The following KIF15 variants were observed in gnomAD, a reference collection of about 807,000 sequenced individuals.
KIF15 encodes kinesin-like protein KIF15.
In KIF15, 140 loss-of-function variants were observed where a neutral mutation model predicts 190.6. That is an observed-to-expected ratio of 0.73 (90% CI 0.64 to 0.84). The LOEUF (loss-of-function observed/expected upper bound fraction) is 0.84, where lower values mean the gene tolerates loss of function less well. Ranked by LOEUF, KIF15 falls within the 40% of genes least tolerant of loss-of-function variation. The pLI is 0.00. For synonymous variants in KIF15, 528 were observed against 551.3 expected, an observed-to-expected ratio of 0.96 and a Z score of 0.59; for missense variants, 1,372 against 1,584.4, an observed-to-expected ratio of 0.87 and a Z score of 2.28.
intron 26 of KIF15, among the ~76,000 whole-genome samples, chr3:44,832,621 C>T (rs887929249): frequency 1.3e-5 from 2 of 152,092 alleles, no homozygotes; most frequent in Non-Finnish European, 2.9e-5. Context: ...ATTTTAAGGA[C>T]CTGTGGGGTA....
chr3:44,840,942 A>T, intron 28 of KIF15, 132 bp from the exon 29 acceptor site: 1 of 832,356 alleles, frequency 1.2e-6, no homozygotes, highest in Non-Finnish European at 1.9e-6. Flanking sequence ...CCAAAGTGCT[A>T]GGATTACAGG....
chr3:44,849,119 G>C (rs1050047126), intron 32 of KIF15, among the ~76,000 whole-genome samples: 9 of 152,194 alleles, frequency 5.9e-5, no homozygotes, highest in African/African-American at 2.2e-4. Flanking sequence ...ACATTAGAGA[G>C]CTATTGGGCT....
At chr3:44,784,394 G>C (rs1706312854) in intron 5 of KIF15, among the ~76,000 whole-genome samples, 1 of 151,932 alleles carries the variant, frequency 6.6e-6, no homozygotes, top group African/African-American at 2.4e-5. Flanking sequence ...TCGATCTCCT[G>C]AACTTGTGAT....
chr3:44,827,868 G>C (rs1697757549), intron 23 of KIF15, among the ~76,000 whole-genome samples: 1 of 151,996 alleles, frequency 6.6e-6, no homozygotes, highest in Admixed American at 6.6e-5. Flanking sequence ...ATTTTTTATA[G>C]AGATGGGGTT....
Position 44,761,797 on chromosome 3 carries a change from C to A in KIF15, c.-69C>A. The A allele has an allele frequency of 2.5e-6, 4 of 1,610,186 alleles. No individual in the cohort carries two copies. Among genetic ancestry groups the A allele is most frequent in the South Asian group, 1.1e-5 (1 of 90,998 alleles). On this transcript the variant is annotated 5_prime_UTR_variant, in exon 1 of 35. Transcript: ENST00000326047. ...CCATCTTGAGCGGGCGGAATTCAGT[C>A]GCGCGCGGTGCAGTCGGGAGGTGGA... is the stretch of plus-strand genomic sequence containing the variant.
chr3:44,770,122 A>G (rs1705579232), intron 1 of KIF15, among the ~76,000 whole-genome samples: 1 of 152,376 alleles, frequency 6.6e-6, no homozygotes, highest in Admixed American at 6.5e-5. Context: ...AACTAGGCAA[A>G]AAACTTGAAA....
rs746707163 is a variant in KIF15 at position 44,864,243 on chromosome 3, C to T, written c.*60-9086C>T. ...TTAGGCATTATTGTGATGGCGAGCA[C>T]CAATTCTCTGATGTGGACCTTCTTT... On this transcript the variant is annotated intron_variant and NMD_transcript_variant, in intron 6 of 6. Coordinates refer to the KIF15 transcript ENST00000422209. The T allele has an allele frequency of 1.7e-5, 28 of 1,614,022 alleles. No homozygotes were observed. The highest frequency in any genetic ancestry group is 2.2e-5 in the Non-Finnish European group (26 of 1,180,042).
chr3:44,846,826 A>G (rs1698870832), intron 30 of KIF15, among the ~76,000 whole-genome samples: 1 of 151,846 alleles, frequency 6.6e-6, no homozygotes, highest in African/African-American at 2.4e-5. Flanking sequence ...TTCCTTATAT[A>G]TAAAAGAGCT....
At chr3:44,851,008 T>G (rs776606804) in intron 32 of KIF15, among the ~76,000 whole-genome samples, 30 of 152,192 alleles carry the variant, frequency 2.0e-4, no homozygotes, top group Non-Finnish European at 2.9e-4. Flanking sequence ...ACACCTGTAG[T>G]CCCAGGATTT....
At chr3:44,851,148 C>G (rs1352998097) in intron 32 of KIF15, among the ~76,000 whole-genome samples, 2 of 152,062 alleles carry the variant, frequency 1.3e-5, no homozygotes, top group East Asian at 3.9e-4. Flanking sequence ...TGCTGGTAGT[C>G]CTAGATACTC....
At chr3:44,865,053 A>G (rs200008035) in intron 6 of KIF15, 11 of 1,614,098 alleles carry the variant, frequency 6.8e-6, no homozygotes, top group African/African-American at 2.7e-5. Flanking sequence ...TTCCTGGGCT[A>G]TGTGCTGTAT....
At chr3:44,865,601 T>C (rs1028684372) in intron 6 of KIF15, 8 of 178,140 alleles carry the variant, frequency 4.5e-5, no homozygotes, top group African/African-American at 1.9e-4. Context: ...ATCTGTGTCA[T>C]GCTTATGTAT....
Position 44,865,426 on chromosome 3 carries a change from T to C in KIF15, c.*60-7903T>C, listed in dbSNP as rs1699310644. On this transcript the variant is annotated intron_variant and NMD_transcript_variant, in intron 6 of 6. Coordinates refer to the KIF15 transcript ENST00000422209. ...ATTCTTCCTCCCAGGCCTACCCCAG[T>C]GAGCCTTCGCAGATGCTGGAGATCC... The C allele has an allele frequency of 8.1e-6, 4 of 496,520 alleles. No homozygotes were observed. The South Asian group carries it at 1.1e-4, about 13-fold the overall frequency. 30.8% of individuals were successfully genotyped at this position (496,520 alleles called of 1,614,324 possible).
chr3:44,838,776 A>G (rs1483179180), intron 27 of KIF15, among the ~76,000 whole-genome samples: 4 of 149,882 alleles, frequency 2.7e-5, no homozygotes, highest in Admixed American at 6.7e-5. Context: ...AATGGGGGAC[A>G]GGAGGAATCC....
intron 13 of KIF15, among the ~76,000 whole-genome samples, chr3:44,802,333 A>G (rs1329879731): frequency 1.3e-5 from 2 of 152,200 alleles, no homozygotes; most frequent in African/African-American, 2.4e-5. Context: ...ATACAGGTAC[A>G]TTGTGGGAAA....
chr3:44,799,081 G>C (rs1034981926), intron 10 of KIF15: 2 of 347,380 alleles, frequency 5.8e-6, no homozygotes, highest in African/African-American at 4.3e-5. Context: ...AGAGCTTCCT[G>C]ACCCTAAGTC....
At chr3:44,837,491 T>C (rs1698377242) in intron 26 of KIF15, among the ~76,000 whole-genome samples, 1 of 152,144 alleles carries the variant, frequency 6.6e-6, no homozygotes, top group South Asian at 2.1e-4. Context: ...AAAGAGTGAG[T>C]ACATGCAGAA....
chr3:44,813,193 A>C lies in KIF15; in HGVS notation c.2383+13A>C. On this transcript the variant is annotated intron_variant, in intron 19 of 34. Transcript: ENST00000326047. ...ACTAAAAATGACTGTAAGTTATTCT[A>C]TCAGGAGCTTTGTGACTTGAAGGAA... The C allele has an allele frequency of 6.9e-7, 1 of 1,450,572 alleles. No homozygotes were observed. Among genetic ancestry groups the C allele is most frequent in the East Asian group, 2.3e-5 (1 of 43,452 alleles). The allele number at this position is 1,450,572 out of a possible 1,614,324, so 89.9% of individuals were successfully genotyped here. A position where few individuals can be genotyped will look rare whatever the true frequency, so the allele number is the denominator to read the frequency against.
Position 44,797,804 on chromosome 3 carries a change from GA to G in KIF15, c.976-26del, listed in dbSNP as rs760309505. 25 of 1,608,142 alleles carry G rather than the reference GA, an allele frequency of 1.6e-5. No homozygotes were observed. The South Asian group carries it at 2.8e-4, about 18-fold the overall frequency. Reference sequence around the variant, plus strand: ...TAAAAAGGTCTTGTGATTTCTCACCGAAAATATGTTCATTCCTATCATTAAA... The same window carrying G: ...TAAAAAGGTCTTGTGATTTCTCACCGAAATATGTTCATTCCTATCATTAAA... On this transcript the variant is annotated intron_variant, in intron 9 of 34. Transcript: ENST00000326047.
Sources: allele counts gnomAD v4.1 joint callset (sites outside exome capture counted in the v4.1 genomes callset), GRCh38; gene constraint gnomAD v4.1.1; transcripts MANE v1.5; gene names NCBI Gene and HGNC (gene_info 2026-07-23, HGNC 2026-07-21).